Variants in AFDN observed in about 807,000 individuals in gnomAD.
The protein encoded by AFDN is afadin, adherens junction formation factor, also known as afadin.
Under a neutral mutation model 216.6 loss-of-function variants are expected in AFDN, and 68 were observed. The observed-to-expected ratio is 0.31, with a 90% CI of 0.26 to 0.38. AFDN has a LOEUF of 0.38. AFDN is among the 10% of genes least tolerant of loss of function. The pLI, the probability that AFDN is intolerant of heterozygous loss-of-function variation, is 1.00. For synonymous variants in AFDN, 868 were observed against 853.7 expected (o/e 1.02, Z -0.29); for missense variants, 2,136 against 2,342.0 (o/e 0.91, Z 1.82).
chr6:167,922,432 C>T (rs1412979640), intron 21 of AFDN, among the ~76,000 whole-genome samples: 5 of 152,140 alleles, frequency 3.3e-5, no homozygotes, highest in African/African-American at 9.7e-5. Context: ...GAGAGTCTGA[C>T]GTGCTGGCAG....
At chr6:167,838,827 G>A (rs1780735371) in intron 1 of AFDN, among the ~76,000 whole-genome samples, 1 of 152,156 alleles carries the variant, frequency 6.6e-6, no homozygotes, top group Non-Finnish European at 1.5e-5. Flanking sequence ...AATCATGGGT[G>A]CTCTGAATAT....
At chr6:167,929,512 C>G (rs1490827543) in intron 23 of AFDN, among the ~76,000 whole-genome samples, 3 of 152,182 alleles carry the variant, frequency 2.0e-5, no homozygotes, top group Non-Finnish European at 4.4e-5. Context: ...CTTCCCTCCC[C>G]CTCCTCAGGT....
chr6:167,867,433 T>C (rs1258921397), intron 2 of AFDN, among the ~76,000 whole-genome samples: 1 of 141,264 alleles, frequency 7.1e-6, no homozygotes, highest in African/African-American at 2.7e-5. Flanking sequence ...TTTTCTTTTC[T>C]TTTTTTTTTT....
In AFDN at chr6:167,827,183, C is replaced by G; in HGVS notation, c.51C>G (p.Ile17Met). The G allele has an allele frequency of 7.7e-7, 1 of 1,305,688 alleles. No individual in the cohort carries two copies. Among genetic ancestry groups the G allele is most frequent in the Non-Finnish European group, 1.0e-6 (1 of 997,702 alleles). The allele number at this position is 1,305,688 out of a possible 1,614,324, so 80.9% of individuals were successfully genotyped here. ...AGCGGCGGAAGCTGGCCGACATCAT[C>G]CACCACTGGAACGCCAACCGGCTGG... ...DEERRKLADIIHHWNANRLDL... is the reference protein window; with the variant it reads ...DEERRKLADIMHHWNANRLDL... The change falls in exon 1 of 34, where the codon ATC (isoleucine) becomes ATG (methionine). Residue 17 changes from isoleucine to methionine, a missense_variant. Transcript: ENST00000683244.
intron 9 of AFDN, among the ~76,000 whole-genome samples, chr6:167,896,648 A>C (rs1788293122): frequency 6.6e-6 from 1 of 152,206 alleles, no homozygotes; most frequent in South Asian, 2.1e-4. Context: ...GGTGGAATTA[A>C]TGCTAGTGTT....
At chr6:167,909,559 G>A (rs1486314126) in intron 13 of AFDN, among the ~76,000 whole-genome samples, 5 of 152,004 alleles carry the variant, frequency 3.3e-5, no homozygotes, top group Non-Finnish European at 7.4e-5. Context: ...AATTCTGGCC[G>A]TACAGTACCA....
chr6:167,873,310 A>G (rs982822973), intron 4 of AFDN, among the ~76,000 whole-genome samples: 1 of 152,222 alleles, frequency 6.6e-6, no homozygotes, highest in Non-Finnish European at 1.5e-5. Flanking sequence ...TTAAACAGAA[A>G]TGTAACCACA....
At position 167,952,064 on chromosome 6, in the gene AFDN, G is replaced by A; in HGVS notation, c.4710G>A (p.Glu1570=). 1 of 1,614,164 alleles carries A rather than the reference G, an allele frequency of 6.2e-7. No individual in the cohort carries two copies. ...ACCGGCTGCGCAAGCTCATGCTGGA[G>A]TGGCAGTTCCAGAAGAGACTCCAGG... ...ESDRLRKLML[E]WQFQKRLQES... is the part of the protein sequence containing the mutation. Residue 1570 remains glutamate, a synonymous_variant, in exon 30 of 34, where the codon GAG becomes GAA. Transcript: ENST00000683244.
intron 8 of AFDN, among the ~76,000 whole-genome samples, chr6:167,892,024 A>G (rs547697200): frequency 1.3e-5 from 2 of 152,276 alleles, no homozygotes; most frequent in African/African-American, 2.4e-5. Context: ...TCTTACAGCT[A>G]GGTTATTGCA....
chr6:167,909,351 A>T (rs368739232), intron 13 of AFDN, among the ~76,000 whole-genome samples: 1 of 151,424 alleles, frequency 6.6e-6, no homozygotes, highest in Non-Finnish European at 1.5e-5. Context: ...ATTTCTCTTT[A>T]TTCATTTTTT....
intron 9 of AFDN, among the ~76,000 whole-genome samples, chr6:167,895,972 A>G (rs1482285432): frequency 6.6e-6 from 1 of 152,162 alleles, no homozygotes; most frequent in African/African-American, 2.4e-5. Context: ...ATCATCATTC[A>G]TGGGTTCTGG....
chr6:167,915,191 G>A lies in AFDN; in HGVS notation c.2323G>A (p.Gly775Arg), dbSNP rs373672248. 1.2e-6 allele frequency: 2 copies of A among 1,614,070 alleles called. No homozygotes were observed. The highest frequency in any genetic ancestry group is 1.3e-5 in the African/African-American group (1 of 74,948). ...AGATGATGTGCTGCACACGCTCACA[G>A]GAGCCATGTCCTTGCTACGACGCTG... ...KIDDVLHTLT[G>R]AMSLLRRCRV... The change falls in exon 19 of 34, where the codon GGA becomes AGA. Residue 775 changes from glycine (G) to arginine (R), a missense_variant. By Grantham distance (125) the Gly-to-Arg change is moderately radical. Transcript: ENST00000683244.
chr6:167,850,105 G>T (rs1273336303), intron 1 of AFDN, among the ~76,000 whole-genome samples: 1 of 152,216 alleles, frequency 6.6e-6, no homozygotes, highest in African/African-American at 2.4e-5. Context: ...GATCACTCAT[G>T]ATACCAGGGA....
intron 3 of AFDN, 36 bp downstream of exon 3, chr6:167,870,534 C>A: frequency 7.4e-7 from 1 of 1,347,358 alleles, no homozygotes; most frequent in African/African-American, 1.4e-5. Flanking sequence ...GGTCTTGGTC[C>A]AGGGCCAGGT....
intron 26 of AFDN, among the ~76,000 whole-genome samples, chr6:167,945,474 C>T (rs567530177): frequency 6.6e-6 from 1 of 152,282 alleles, no homozygotes; most frequent in African/African-American, 2.4e-5. Flanking sequence ...AATATATAAA[C>T]AAGCAACCCA....
At chr6:167,838,614 AC>A (rs1324808639) in intron 1 of AFDN, among the ~76,000 whole-genome samples, 2 of 152,136 alleles carry the variant, frequency 1.3e-5, no homozygotes, top group Non-Finnish European at 2.9e-5. Context: ...CAGTTCCTCA[AC>A]ATCTACTGAA....
chr6:167,967,412 G>T (rs1279282221), intron 32 of AFDN, among the ~76,000 whole-genome samples: 1 of 152,160 alleles, frequency 6.6e-6, no homozygotes, highest in East Asian at 1.9e-4. Context: ...TTTAGGTTGA[G>T]TCACTTTGGA....
intron 8 of AFDN, among the ~76,000 whole-genome samples, chr6:167,892,668 G>GT (rs1295704607): frequency 1.3e-5 from 2 of 152,180 alleles, no homozygotes. Flanking sequence ...GAATACTTGT[G>GT]TGTCATACCG....
chr6:167,934,555 T>A (rs1171343565), intron 23 of AFDN, among the ~76,000 whole-genome samples: 2 of 152,232 alleles, frequency 1.3e-5, no homozygotes, highest in Admixed American at 1.3e-4. Context: ...GTATGCCTGA[T>A]GACTGAAATA....
Sources: gnomAD v4.1 joint callset for allele counts (sites outside exome capture counted in the v4.1 genomes callset) on GRCh38, gnomAD v4.1.1 for gene constraint, MANE v1.5 for transcripts, NCBI Gene and HGNC (gene_info 2026-07-23, HGNC 2026-07-21) for gene names.